Variants in TSHZ1 observed in about 807,000 individuals in gnomAD.
TSHZ1 encodes teashirt zinc finger homeobox 1, also known as teashirt homolog 1.
TSHZ1 carries 12 observed loss-of-function variants against 67.1 expected under a neutral mutation model. That is an observed-to-expected ratio of 0.18 (90% CI 0.11 to 0.29). The LOEUF is 0.29. TSHZ1 is among the 10% of genes least tolerant of loss of function. The pLI is 1.00. For missense variants in TSHZ1, 1,305 were observed against 1,413.9 expected, an observed-to-expected ratio of 0.92 and a Z score of 1.23; for synonymous variants, 632 against 622.4, an observed-to-expected ratio of 1.02 and a Z score of -0.23.
chr18:75,267,592 G>A (rs538836978), intron 1 of TSHZ1, among the ~76,000 whole-genome samples: 22 of 152,338 alleles, frequency 1.4e-4, no homozygotes, highest in African/African-American at 5.1e-4. Flanking sequence ...AAGGAGTTCA[G>A]TTCTTTCCTA....
At position 75,285,816 on chromosome 18, in the gene TSHZ1, A is replaced by G. The variant is rs764058077; in HGVS notation, c.409A>G (p.Lys137Glu). ...CTGGTCCAGCTTAGCTCTGGATTTA[A>G]AGAAGTCGGGTTCCACCACCAGCAC... ...SCWSSLALDL[K>E]KSGSTTSTND... The change falls in exon 2 of 2, where the codon AAG becomes GAG. Residue 137 changes from lysine (K) to glutamate (E), a missense_variant. Lys to Glu is a moderately conservative substitution (Grantham distance 56). Coordinates refer to ENST00000580243, the MANE Select transcript of TSHZ1 (RefSeq NM_001308210.2). 1.2e-6 allele frequency: 2 copies of G among 1,614,030 alleles called. No individual in the cohort carries two copies. Among genetic ancestry groups the G allele is most frequent in the Admixed American group, 3.3e-5 (2 of 60,010 alleles).
chr18:75,264,565 T>A (rs568747174), intron 1 of TSHZ1, among the ~76,000 whole-genome samples: 1 of 151,768 alleles, frequency 6.6e-6, no homozygotes, highest in South Asian at 2.1e-4. Flanking sequence ...CTCTGATACA[T>A]AGGTAGTTAG....
intron 1 of TSHZ1, among the ~76,000 whole-genome samples, chr18:75,277,133 C>T (rs1398046923): frequency 6.6e-6 from 1 of 152,196 alleles, no homozygotes; most frequent in Non-Finnish European, 1.5e-5. Context: ...ACAAGAAGGG[C>T]CCAGCCGGTC....
At chr18:75,272,601 T>G (rs1371515225) in intron 1 of TSHZ1, among the ~76,000 whole-genome samples, 1 of 152,238 alleles carries the variant, frequency 6.6e-6, no homozygotes, top group Non-Finnish European at 1.5e-5. Context: ...CCATTTCACT[T>G]GGCTTGCTAG....
At chr18:75,271,726 C>A (rs1166701979) in intron 1 of TSHZ1, among the ~76,000 whole-genome samples, 3 of 151,756 alleles carry the variant, frequency 2.0e-5, no homozygotes, top group Non-Finnish European at 2.9e-5. Flanking sequence ...TTGCCGCTCC[C>A]CCCTCCCCGC....
chr18:75,233,374 C>A (rs566330880), intron 1 of TSHZ1, among the ~76,000 whole-genome samples: 9 of 152,300 alleles, frequency 5.9e-5, no homozygotes, highest in Middle Eastern at 3.4e-3. Flanking sequence ...CCCCTAACAA[C>A]GTTCCAGGAT....
At chr18:75,218,280 T>C (rs1018502164) in intron 1 of TSHZ1, among the ~76,000 whole-genome samples, 1 of 152,262 alleles carries the variant, frequency 6.6e-6, no homozygotes, top group African/African-American at 2.4e-5. Context: ...AATTACTGCC[T>C]GCTGGAGTCA....
Position 75,227,348 on chromosome 18 carries a change from C to T in TSHZ1, c.40+15432C>T, listed in dbSNP as rs116873305. Among the ~76,000 whole-genome samples, 166 of 152,050 alleles carry T rather than the reference C, an allele frequency of 1.1e-3. 3 individuals are homozygous for T. In the East Asian group the frequency reaches 0.028, roughly 26 times the overall value. ...CTCTGTTGCCTAGAATTTGTAACCC[C>T]ATTCCCGCCTGCATAAAGACAGTGA... On this transcript the variant is annotated intron_variant, in intron 1 of 1. Transcript: ENST00000580243.
intron 1 of TSHZ1, among the ~76,000 whole-genome samples, chr18:75,221,710 C>G (rs186163831): frequency 6.6e-6 from 1 of 152,230 alleles, no homozygotes; most frequent in African/African-American, 2.4e-5. Flanking sequence ...TCTATAAGAG[C>G]CTGCCCTGCT....
intron 1 of TSHZ1, among the ~76,000 whole-genome samples, chr18:75,216,070 G>A (rs1024359357): frequency 1.3e-4 from 20 of 152,022 alleles, no homozygotes; most frequent in Admixed American, 3.3e-4. Flanking sequence ...CGCCGCCTGC[G>A]TATGCTTTCT....
chr18:75,244,587 C>G (rs2023199727), intron 1 of TSHZ1: 1 of 152,220 alleles, frequency 6.6e-6, no homozygotes, highest in Non-Finnish European at 1.5e-5. Flanking sequence ...ACCAGGCCGG[C>G]TTTCTCCAGT....
intron 1 of TSHZ1, among the ~76,000 whole-genome samples, chr18:75,217,203 T>A (rs971671444): frequency 6.6e-6 from 1 of 152,228 alleles, no homozygotes; most frequent in Non-Finnish European, 1.5e-5. Flanking sequence ...TTATGAACGA[T>A]TAACAGTGTC....
chr18:75,227,290 A>G (rs1043430040), intron 1 of TSHZ1, among the ~76,000 whole-genome samples: 43 of 151,262 alleles, frequency 2.8e-4, no homozygotes, highest in African/African-American at 1.0e-3. Context: ...TTTTGAAACC[A>G]CCTACTAAAC....
At chr18:75,268,996 TTTGA>T (rs1446803598) in intron 1 of TSHZ1, among the ~76,000 whole-genome samples, 1 of 152,200 alleles carries the variant, frequency 6.6e-6, no homozygotes, top group Non-Finnish European at 1.5e-5. Context: ...AAGAACTGTG[TTTGA>T]TTGACGACAG....
chr18:75,215,393 T>A (rs970494962), intron 1 of TSHZ1, among the ~76,000 whole-genome samples: 2 of 152,194 alleles, frequency 1.3e-5, no homozygotes, highest in Admixed American at 1.3e-4. Context: ...AGTGTGCCTC[T>A]CTCAAGATGG....
intron 1 of TSHZ1, among the ~76,000 whole-genome samples, chr18:75,259,782 A>G (rs1008657554): frequency 6.6e-6 from 1 of 152,178 alleles, no homozygotes; most frequent in African/African-American, 2.4e-5. Context: ...ACATTACCTT[A>G]TTGGCAAATG....
intron 1 of TSHZ1, among the ~76,000 whole-genome samples, chr18:75,223,650 C>T (rs970755548): frequency 4.1e-4 from 62 of 151,730 alleles, no homozygotes; most frequent in African/African-American, 1.5e-3. Flanking sequence ...TTGTCCCCCA[C>T]TCCCTACCCC....
chr18:75,286,427 A>G lies in TSHZ1; in HGVS notation c.1020A>G (p.Pro340=), dbSNP rs1274946175. The part of the protein sequence containing the change: ...KHYQKVPLKE[P]VPAITKLVPS... ...ACCAGAAAGTGCCTCTGAAGGAGCC[A>G]GTGCCAGCCATCACCAAACTGGTCC... Residue 340 remains proline (P), a synonymous_variant, in exon 2 of 2, where the codon CCA becomes CCG. Coordinates refer to ENST00000580243, the MANE Select transcript of TSHZ1 (RefSeq NM_001308210.2). This position sits in a 1 kb window ranked among gnomAD's most constrained non-coding sequence, Gnocchi z 5.1. 6.2e-6 allele frequency: 10 copies of G among 1,614,086 alleles called. No homozygotes were observed. Among genetic ancestry groups the G allele is most frequent in the Non-Finnish European group, 8.5e-6 (10 of 1,180,040 alleles).
chr18:75,267,788 T>C (rs958595921), intron 1 of TSHZ1, among the ~76,000 whole-genome samples: 2 of 152,196 alleles, frequency 1.3e-5, no homozygotes, highest in African/African-American at 2.4e-5. Flanking sequence ...AAATCGGGCA[T>C]TCTGAAACAA....
Sources: gnomAD v4.1 joint callset for allele counts (sites outside exome capture counted in the v4.1 genomes callset) on GRCh38, gnomAD v4.1.1 for gene constraint, Gnocchi (gnomAD v3.1) non-coding constraint, MANE v1.5 for transcripts, NCBI Gene and HGNC (gene_info 2026-07-23, HGNC 2026-07-21) for gene names.